The following IQSEC1 variants were observed in gnomAD, a reference collection of about 807,000 sequenced individuals.
The protein encoded by IQSEC1 is IQ motif and SEC7 domain-containing protein 1.
IQSEC1 carries 31 observed loss-of-function variants against 91.0 expected under a neutral mutation model. The observed-to-expected ratio is 0.34, with a 90% CI of 0.26 to 0.46. IQSEC1 has a LOEUF of 0.46. Ranked by LOEUF, IQSEC1 falls within the 20% of genes least tolerant of loss-of-function variation. IQSEC1 has a pLI of 1.00. For synonymous variants in IQSEC1, 699 were observed against 662.6 expected, an observed-to-expected ratio of 1.05 and a Z score of -0.84; for missense variants, 1,388 against 1,575.6, an observed-to-expected ratio of 0.88 and a Z score of 2.02.
chr3:13,031,880 G>T (rs1003491553), intron 1 of IQSEC1, among the ~76,000 whole-genome samples: 1 of 152,094 alleles, frequency 6.6e-6, no homozygotes, highest in Admixed American at 6.5e-5. Flanking sequence ...GGTGGAGGAG[G>T]TCTAGGGTAG....
At chr3:12,931,494 C>T (rs188374751) in intron 3 of IQSEC1, among the ~76,000 whole-genome samples, 15 of 152,222 alleles carry the variant, frequency 9.9e-5, no homozygotes, top group Admixed American at 2.6e-4. Context: ...GGAAGGTGTT[C>T]GGCATGGGGC....
chr3:12,901,135 C>A lies in IQSEC1; in HGVS notation c.3193G>T (p.Gly1065Cys), dbSNP rs1482334187. The change falls in exon 14 of 14, where the codon GGC becomes TGC. Residue 1065 changes from glycine to cysteine, a missense_variant. By Grantham distance (159) the Gly-to-Cys change is radical. Around this residue, in one of 2 missense-constraint regions of IQSEC1, gnomAD observed 329 missense variants for 257.8 expected, o/e 1.28. Coordinates refer to ENST00000613206, the MANE Select transcript of IQSEC1 (RefSeq NM_001134382.3). ...GCATGGGCCCCGTAGGCTGGGTGGC[C>A]CCCATGGGGGCCGTGGTGGTACTGG... The part of the protein sequence containing the change: ...AHQYHHGPHG[G>C]HPAYGAHAHG... 6.5e-7 allele frequency: 1 copy of A among 1,543,168 alleles called. No individual in the cohort carries two copies. The highest frequency in any genetic ancestry group is 2.0e-5 in the Admixed American group (1 of 50,828).
At chr3:12,963,666 T>C (rs1700378793) in intron 1 of IQSEC1, among the ~76,000 whole-genome samples, 2 of 152,150 alleles carry the variant, frequency 1.3e-5, no homozygotes, top group Non-Finnish European at 2.9e-5. Context: ...AGGCAACATA[T>C]CTGAGGCCAC....
intron 1 of IQSEC1, among the ~76,000 whole-genome samples, chr3:13,235,435 T>C (rs1442521437): frequency 4.6e-5 from 7 of 152,144 alleles, no homozygotes; most frequent in Admixed American, 3.9e-4. Flanking sequence ...CCCAGATCTC[T>C]CCAGAAACCT....
At chr3:13,068,797 T>C (rs951007599) in intron 1 of IQSEC1, among the ~76,000 whole-genome samples, 1 of 152,214 alleles carries the variant, frequency 6.6e-6, no homozygotes, top group Non-Finnish European at 1.5e-5. Context: ...TGTTCAAAGG[T>C]CACCTCCTCC....
In IQSEC1 at chr3:13,014,243, G is replaced by C. The variant is rs1473757121; in HGVS notation, c.23+58749C>G. ...TGTGCCCTGGTAAATCTCTCAGTGAGATGGGAACCCAGAGTCACCTACGCC... is the reference window on the plus strand; with the variant it reads ...TGTGCCCTGGTAAATCTCTCAGTGACATGGGAACCCAGAGTCACCTACGCC... On this transcript the variant is annotated intron_variant, in intron 1 of 13. Transcript: ENST00000613206. 2.0e-5 allele frequency among the ~76,000 whole-genome samples: 3 copies of C among 152,316 alleles called. No homozygotes were observed. In the East Asian group the frequency reaches 5.8e-4, roughly 29 times the overall value.
At chr3:13,113,771 T>C (rs1384410927) in intron 2 of IQSEC1, among the ~76,000 whole-genome samples, 2 of 152,088 alleles carry the variant, frequency 1.3e-5, no homozygotes, top group African/African-American at 2.4e-5. Flanking sequence ...GTGCCCGCAC[T>C]CTGGCCAGGC....
intron 1 of IQSEC1, among the ~76,000 whole-genome samples, chr3:13,240,579 C>T (rs1387116542): frequency 6.6e-6 from 1 of 152,064 alleles, no homozygotes; most frequent in Non-Finnish European, 1.5e-5. Context: ...TAGAGGGTCT[C>T]ACGGGCTGCA....
In IQSEC1 at chr3:12,900,024, G is replaced by T; in HGVS notation, c.*959C>A. 1.0e-6 allele frequency: 1 copy of T among 985,374 alleles called. No homozygotes were observed. Among genetic ancestry groups the T allele is most frequent in the South Asian group, 4.7e-5 (1 of 21,270 alleles). The allele number at this position is 985,374 out of a possible 1,614,324, so 61.0% of individuals were successfully genotyped here. A position where few individuals can be genotyped will look rare whatever the true frequency, so the allele number is the denominator to read the frequency against. On this transcript the variant is annotated 3_prime_UTR_variant, in exon 14 of 14. Coordinates refer to ENST00000613206, the MANE Select transcript of IQSEC1 (RefSeq NM_001134382.3). Reference sequence around the variant, plus strand: ...CAGCCATTAAAGTGTCTAAGAATCCGTGTAACCAATGTCCTAAGACAACCA... The same window carrying T: ...CAGCCATTAAAGTGTCTAAGAATCCTTGTAACCAATGTCCTAAGACAACCA...
intron 1 of IQSEC1, among the ~76,000 whole-genome samples, chr3:13,003,151 A>G (rs1702492950): frequency 6.6e-6 from 1 of 152,054 alleles, no homozygotes; most frequent in Admixed American, 6.6e-5. Flanking sequence ...TTCAGCAGTA[A>G]AAAGGAATGA....
At position 12,940,068 on chromosome 3, in the gene IQSEC1, T is replaced by A. The variant is rs1009224556; in HGVS notation, c.318+1503A>T. On this transcript the variant is annotated intron_variant, in intron 2 of 13. Transcript: ENST00000613206. This position sits in a 1 kb window ranked among gnomAD's most constrained non-coding sequence, Gnocchi z 4.4. ...TATAATTCTCTTCAAAGGCCTCTAT[T>A]AAGTCCCAACCTTTCTCCTTTCTGT... is the stretch of plus-strand genomic sequence containing the variant. Among the ~76,000 whole-genome samples, 1 of 152,202 alleles carries A rather than the reference T, an allele frequency of 6.6e-6. No homozygotes were observed. The highest frequency in any genetic ancestry group is 1.5e-5 in the Non-Finnish European group (1 of 68,032).
chr3:12,904,470 A>G (rs1694745764), intron 12 of IQSEC1, among the ~76,000 whole-genome samples: 1 of 152,160 alleles, frequency 6.6e-6, no homozygotes, highest in African/African-American at 2.4e-5. Flanking sequence ...GGAGGCTCAC[A>G]TTTCCTTATT....
At chr3:12,957,700 CCTGTGGTGG>C (rs1419512211) in intron 1 of IQSEC1, among the ~76,000 whole-genome samples, 2 of 152,210 alleles carry the variant, frequency 1.3e-5, no homozygotes, top group African/African-American at 4.8e-5. Context: ...CCAGCCAGGG[CCTGTGGTGG>C]GGCCATCTTG....
At chr3:13,226,421 G>T (rs1694755183) in intron 1 of IQSEC1, among the ~76,000 whole-genome samples, 1 of 152,034 alleles carries the variant, frequency 6.6e-6, no homozygotes, top group Non-Finnish European at 1.5e-5. Flanking sequence ...TGTATGCCAG[G>T]AATTGTTCTA....
intron 1 of IQSEC1, among the ~76,000 whole-genome samples, chr3:13,272,292 T>C (rs1695601819): frequency 6.6e-6 from 1 of 152,180 alleles, no homozygotes; most frequent in Non-Finnish European, 1.5e-5. Flanking sequence ...TTACAATAAA[T>C]AGCCAGTCAT....
chr3:13,030,349 C>T (rs56750460), intron 1 of IQSEC1, among the ~76,000 whole-genome samples: 21,694 of 152,278 alleles, frequency 0.14, 1,720 homozygotes, highest in East Asian at 0.24. Context: ...ATCCTCCTGC[C>T]TTGGCCTCCC....
At chr3:13,044,696 C>G (rs1704426235) in intron 1 of IQSEC1, among the ~76,000 whole-genome samples, 1 of 152,254 alleles carries the variant, frequency 6.6e-6, no homozygotes, top group Non-Finnish European at 1.5e-5. Flanking sequence ...CCCGCCCCCC[C>G]ACACTCCTGG....
intron 9 of IQSEC1, among the ~76,000 whole-genome samples, chr3:12,913,070 AG>A (rs1695721910): frequency 6.6e-6 from 1 of 152,272 alleles, no homozygotes; most frequent in Admixed American, 6.5e-5. Context: ...CTCAGCAGAC[AG>A]GATCAGGTCT....
At chr3:13,014,720 C>T (rs1703037729) in intron 1 of IQSEC1, among the ~76,000 whole-genome samples, 1 of 152,144 alleles carries the variant, frequency 6.6e-6, no homozygotes, top group Non-Finnish European at 1.5e-5. Flanking sequence ...CCCCAGTGAG[C>T]CAGGGGCTGT....
Sources: allele counts gnomAD v4.1 joint callset (sites outside exome capture counted in the v4.1 genomes callset), GRCh38; gene constraint gnomAD v4.1.1; regional missense constraint gnomAD v4.1.1; non-coding constraint Gnocchi (gnomAD v3.1); transcripts MANE v1.5; gene names NCBI Gene and HGNC (gene_info 2026-07-23, HGNC 2026-07-21).